DCHS2: variants seen among roughly 807,000 people sequenced by gnomAD.
DCHS2 encodes protocadherin-23.
In DCHS2, 142 loss-of-function variants were observed where a neutral mutation model predicts 182.4. The ratio of observed to expected loss-of-function variants is 0.78; its 90% CI spans 0.68 to 0.89. DCHS2 has a LOEUF of 0.89. Among genes scored for constraint, DCHS2 ranks in the 40% least tolerant of loss-of-function variants. The probability of loss-of-function intolerance (pLI) is 0.00; values close to 1 mark genes in which losing one functional copy is unlikely to be tolerated. For synonymous variants in DCHS2, 1,740 were observed against 1,663.3 expected (o/e 1.05, Z -1.12); for missense variants, 4,319 against 4,198.6 (o/e 1.03, Z -0.79).
chr4:154,411,970 T>C (rs534246700), intron 1 of DCHS2, among the ~76,000 whole-genome samples: 2 of 152,370 alleles, frequency 1.3e-5, no homozygotes. Context: ...TAACATTTTA[T>C]AATGTAATGT....
chr4:154,235,450 T>G lies in DCHS2; in HGVS notation c.9202A>C (p.Thr3068Pro). Residue 3068 changes from threonine to proline, a missense_variant, in exon 20 of 20, where the codon ACT (threonine) becomes CCT (proline). By Grantham distance (38) the Thr-to-Pro change is conservative. Transcript: ENST00000357232. ...CTTATTAAACTCAACCATTCCGGAG[T>G]GGCATCCACAGGGACCACCTCGTTA... Reference protein sequence around the residue: ...CSNEVVPVDATPEWLSLISIM... With the variant: ...CSNEVVPVDAPPEWLSLISIM... The G allele has an allele frequency of 6.2e-7, 1 of 1,614,024 alleles. No individual in the cohort carries two copies. Among genetic ancestry groups the G allele is most frequent in the Non-Finnish European group, 8.5e-7 (1 of 1,179,956 alleles).
chr4:154,258,367 CTTTTTTTTTT>C (rs771510956), intron 15 of DCHS2, among the ~76,000 whole-genome samples: 4 of 58,838 alleles, frequency 6.8e-5, no homozygotes, highest in Admixed American at 2.8e-4. Flanking sequence ...AAAAGAAAGG[CTTTTTTTTTT>C]TTTTTTTTTT....
chr4:154,236,751 A>G lies in DCHS2; in HGVS notation c.7901T>C (p.Val2634Ala), dbSNP rs1014126417. ...GCAGCCACTGTCAGATGCCAGAATG[A>G]CAAGCTCATGGCTAGCACTTGCTTC... ...DREASASHEL[V>A]ILASDSGCPP... The change falls in exon 20 of 20, where the codon GTC (valine) becomes GCC (alanine). Residue 2634 changes from valine to alanine, a missense_variant. Coordinates refer to ENST00000357232, the MANE Select transcript of DCHS2 (RefSeq NM_001358235.2). 3.7e-6 allele frequency: 6 copies of G among 1,613,896 alleles called. No individual in the cohort carries two copies. In the African/African-American group the frequency reaches 8.0e-5, roughly 22 times the overall value.
At chr4:154,331,470 C>T in intron 5 of DCHS2, 1 of 1,223,972 alleles carries the variant, frequency 8.2e-7, no homozygotes, top group Admixed American at 2.4e-5. Flanking sequence ...TGGTTTGTGC[C>T]CTTGCAGCAG....
intron 1 of DCHS2, among the ~76,000 whole-genome samples, chr4:154,429,191 A>G (rs916513648): frequency 6.6e-6 from 1 of 152,148 alleles, no homozygotes; most frequent in African/African-American, 2.4e-5. Flanking sequence ...GCTGGCATAG[A>G]ATGTGAGTGC....
intron 1 of DCHS2, among the ~76,000 whole-genome samples, chr4:154,417,435 T>C (rs1732913601): frequency 6.6e-6 from 1 of 152,272 alleles, no homozygotes; most frequent in South Asian, 2.1e-4. Context: ...GTTGTTTTAA[T>C]TAACTCCCTC....
chr4:154,405,694 T>G (rs1199286556), intron 1 of DCHS2, among the ~76,000 whole-genome samples: 1 of 152,224 alleles, frequency 6.6e-6, no homozygotes, highest in Non-Finnish European at 1.5e-5. Context: ...TTCCCACATA[T>G]TCTCTCATTA....
At chr4:154,350,874 A>G (rs939719828) in intron 3 of DCHS2, among the ~76,000 whole-genome samples, 10 of 152,220 alleles carry the variant, frequency 6.6e-5, no homozygotes, top group African/African-American at 2.2e-4. Flanking sequence ...GTTAGTGTCC[A>G]TTAAAAAGAT....
intron 7 of DCHS2, among the ~76,000 whole-genome samples, chr4:154,327,405 A>G (rs1230274495): frequency 1.3e-5 from 2 of 152,160 alleles, no homozygotes; most frequent in African/African-American, 2.4e-5. Flanking sequence ...ATTAATTCCA[A>G]TGGGTTGCCT....
chr4:154,366,229 A>G lies in DCHS2; in HGVS notation c.2457T>C (p.Phe819=). ...ACATACCTGTGGTGGAGTCAATGGT[A>G]AAAAGGGACGACACGTTTCCTGGAA... The part of the protein sequence containing the change: ...ELIPGNVSSL[F]TIDSTTGIIY... Residue 819 remains phenylalanine (F), a synonymous_variant, in exon 3 of 20, where the codon TTT becomes TTC. Coordinates refer to ENST00000357232, the MANE Select transcript of DCHS2 (RefSeq NM_001358235.2). 2 of 1,613,450 alleles carry G rather than the reference A, an allele frequency of 1.2e-6. No individual in the cohort carries two copies. Among genetic ancestry groups the G allele is most frequent in the South Asian group, 1.1e-5 (1 of 91,042 alleles).
chr4:154,465,084 CAAGATATAT>C (rs1735184408), intron 1 of DCHS2, among the ~76,000 whole-genome samples: 1 of 152,176 alleles, frequency 6.6e-6, no homozygotes, highest in Non-Finnish European at 1.5e-5. Flanking sequence ...TGGCTTAAAA[CAAGATATAT>C]TTATCATCTC....
intron 3 of DCHS2, among the ~76,000 whole-genome samples, chr4:154,355,015 G>C (rs1196995537): frequency 6.6e-6 from 1 of 151,970 alleles, no homozygotes; most frequent in African/African-American, 2.4e-5. Context: ...GTTATTATCA[G>C]TGATGAAACA....
At chr4:154,378,661 A>T (rs995549183) in intron 1 of DCHS2, among the ~76,000 whole-genome samples, 1 of 152,190 alleles carries the variant, frequency 6.6e-6, no homozygotes, top group African/African-American at 2.4e-5. Flanking sequence ...CACTCTTCAG[A>T]TCAGACAAGT....
At chr4:154,372,450 C>T (rs1033847170) in intron 2 of DCHS2, among the ~76,000 whole-genome samples, 1 of 152,206 alleles carries the variant, frequency 6.6e-6, no homozygotes, top group African/African-American at 2.4e-5. Context: ...AGTCCGTTTA[C>T]TTCCTTTCTT....
chr4:154,292,634 C>T (rs1406118585), intron 13 of DCHS2, among the ~76,000 whole-genome samples: 1 of 152,158 alleles, frequency 6.6e-6, no homozygotes, highest in Non-Finnish European at 1.5e-5. Flanking sequence ...TTGTCTTATC[C>T]TCTATATTTA....
chr4:154,453,369 G>T (rs1734620240), intron 1 of DCHS2, among the ~76,000 whole-genome samples: 2 of 151,396 alleles, frequency 1.3e-5, no homozygotes, highest in South Asian at 4.2e-4. Context: ...GAGCTCAAGA[G>T]GGTTATATTT....
chr4:154,365,697 T>C (rs1730317887), intron 3 of DCHS2, among the ~76,000 whole-genome samples: 1 of 151,964 alleles, frequency 6.6e-6, no homozygotes, highest in South Asian at 2.1e-4. Flanking sequence ...TCACCCAGGC[T>C]GGAGGGCAGT....
chr4:154,254,174 GA>G (rs1553998232), intron 16 of DCHS2, among the ~76,000 whole-genome samples: 1 of 152,134 alleles, frequency 6.6e-6, no homozygotes, highest in Non-Finnish European at 1.5e-5. Flanking sequence ...TGGAAAAACC[GA>G]AAAACACAAC....
chr4:154,311,871 T>A (rs1318641921), intron 10 of DCHS2, among the ~76,000 whole-genome samples: 1 of 152,112 alleles, frequency 6.6e-6, no homozygotes, highest in East Asian at 1.9e-4. Flanking sequence ...TAATACTATA[T>A]ATTAAATGTA....
Sources: allele counts gnomAD v4.1 joint callset (sites outside exome capture counted in the v4.1 genomes callset), GRCh38; gene constraint gnomAD v4.1.1; transcripts MANE v1.5; gene names NCBI Gene and HGNC (gene_info 2026-07-23, HGNC 2026-07-21).